Variants in PRKCA observed in about 807,000 individuals in gnomAD.
PRKCA encodes the protein protein kinase C alpha.
PRKCA carries 27 observed loss-of-function variants against 87.0 expected under a neutral mutation model. That is an observed-to-expected ratio of 0.31 (90% CI 0.23 to 0.43). The LOEUF is 0.43. Among genes scored for constraint, PRKCA ranks in the 20% least tolerant of loss-of-function variants. The probability of loss-of-function intolerance (pLI) is 1.00; values close to 1 mark genes in which losing one functional copy is unlikely to be tolerated. For missense variants in PRKCA, 518 were observed against 852.3 expected (o/e 0.61, Z 4.88); for synonymous variants, 329 against 311.1 (o/e 1.06, Z -0.61).
chr17:66,488,066 A>G (rs1916062040), intron 2 of PRKCA, among the ~76,000 whole-genome samples: 1 of 152,178 alleles, frequency 6.6e-6, no homozygotes, highest in African/African-American at 2.4e-5. Context: ...CAACATGAAG[A>G]GTAGTTTCTC....
chr17:66,472,334 A>G (rs575607624), intron 2 of PRKCA, among the ~76,000 whole-genome samples: 2 of 152,294 alleles, frequency 1.3e-5, no homozygotes, highest in Admixed American at 6.5e-5. Context: ...TTCTGGTTCC[A>G]GGAGCTGCTA....
At chr17:66,793,585 C>T (rs954158521) in intron 16 of PRKCA, among the ~76,000 whole-genome samples, 5 of 114,292 alleles carry the variant, frequency 4.4e-5, no homozygotes, top group African/African-American at 2.0e-4. Flanking sequence ...AATGAAACTC[C>T]GTCTCAAAAA....
chr17:66,765,990 C>G (rs1474936295), intron 13 of PRKCA, among the ~76,000 whole-genome samples: 2 of 152,184 alleles, frequency 1.3e-5, no homozygotes, highest in African/African-American at 4.8e-5. Context: ...TGACACGTTT[C>G]TCTGGGAAAA....
At chr17:66,395,140 A>G (rs1313475488) in intron 2 of PRKCA, among the ~76,000 whole-genome samples, 3 of 152,152 alleles carry the variant, frequency 2.0e-5, no homozygotes, top group Non-Finnish European at 4.4e-5. Flanking sequence ...AAGAACTGGC[A>G]GTTCTTTATA....
intron 5 of PRKCA, among the ~76,000 whole-genome samples, chr17:66,686,301 G>T (rs1179651156): frequency 6.6e-6 from 1 of 152,146 alleles, no homozygotes; most frequent in African/African-American, 2.4e-5. Flanking sequence ...GGTTTCTCAA[G>T]CTAAGATTGC....
chr17:66,659,896 T>A (rs1339391490), intron 5 of PRKCA, among the ~76,000 whole-genome samples: 3 of 152,176 alleles, frequency 2.0e-5, no homozygotes, highest in Non-Finnish European at 4.4e-5. Context: ...GCTGATGACT[T>A]GAACTGGCAG....
chr17:66,758,578 T>G (rs1040880139), intron 13 of PRKCA, among the ~76,000 whole-genome samples: 1 of 152,184 alleles, frequency 6.6e-6, no homozygotes, highest in Non-Finnish European at 1.5e-5. Context: ...ATGGAGCACT[T>G]TGGGTCCAAG....
chr17:66,488,837 A>G (rs888413277), intron 2 of PRKCA, among the ~76,000 whole-genome samples: 1 of 152,226 alleles, frequency 6.6e-6, no homozygotes, highest in Non-Finnish European at 1.5e-5. Context: ...ATTTGTTTTC[A>G]TACAACTTTT....
chr17:66,468,073 TTC>T (rs1456490141), intron 2 of PRKCA, among the ~76,000 whole-genome samples: 1 of 152,182 alleles, frequency 6.6e-6, no homozygotes, highest in East Asian at 1.9e-4. Flanking sequence ...TCTTTATTTC[TTC>T]TATGCAACTA....
At chr17:66,613,080 T>C (rs963393840) in intron 3 of PRKCA, among the ~76,000 whole-genome samples, 10 of 152,194 alleles carry the variant, frequency 6.6e-5, no homozygotes, top group African/African-American at 2.4e-4. Flanking sequence ...TAAAATCAAA[T>C]CTTATCCCCA....
chr17:66,589,944 A>C (rs879516545), intron 3 of PRKCA, among the ~76,000 whole-genome samples: 1 of 152,190 alleles, frequency 6.6e-6, no homozygotes, highest in Non-Finnish European at 1.5e-5. Context: ...TGTGCAGTTC[A>C]CAATAGGGTT....
At chr17:66,457,719 C>T (rs1199628518) in intron 2 of PRKCA, among the ~76,000 whole-genome samples, 2 of 152,092 alleles carry the variant, frequency 1.3e-5, no homozygotes, top group African/African-American at 2.4e-5. Flanking sequence ...TCCTTGCTGC[C>T]AGCATGTGAA....
intron 2 of PRKCA, among the ~76,000 whole-genome samples, chr17:66,401,007 G>A (rs565412964): frequency 6.6e-6 from 1 of 152,226 alleles, no homozygotes; most frequent in South Asian, 2.1e-4. Flanking sequence ...TTAAGTATTT[G>A]GGGTGTTTCT....
chr17:66,663,450 C>T lies in PRKCA; in HGVS notation c.529+17939C>T, dbSNP rs568922263. ...AGTTCGGTTTAGTCTATTTTAAGCACAGATGAAGAGGAAATAATCAGACCG... is the reference window on the plus strand; with the variant it reads ...AGTTCGGTTTAGTCTATTTTAAGCATAGATGAAGAGGAAATAATCAGACCG... On this transcript the variant is annotated intron_variant, in intron 5 of 16. Transcript: ENST00000413366. Among the ~76,000 whole-genome samples the T allele has an allele frequency of 2.0e-5, 3 of 152,298 alleles. No individual in the cohort carries two copies. The South Asian group carries it at 6.2e-4, about 32-fold the overall frequency.
intron 9 of PRKCA, 103 bp from the exon 10 acceptor site, chr17:66,735,386 G>A (rs1364142548): frequency 8.5e-7 from 1 of 1,180,462 alleles, no homozygotes; most frequent in Non-Finnish European, 1.2e-6. Flanking sequence ...CATTGACAAA[G>A]GTGCACAAAC....
chr17:66,664,805 T>C (rs1343847057), intron 5 of PRKCA, among the ~76,000 whole-genome samples: 1 of 151,946 alleles, frequency 6.6e-6, no homozygotes, highest in East Asian at 1.9e-4. Context: ...CACACCCAGA[T>C]AATTTTTTAA....
At chr17:66,624,307 A>G (rs890654509) in intron 3 of PRKCA, among the ~76,000 whole-genome samples, 5 of 152,036 alleles carry the variant, frequency 3.3e-5, no homozygotes, top group Admixed American at 6.6e-5. Flanking sequence ...TGCCAGCCAC[A>G]TGGACAGTTT....
At chr17:66,709,928 T>C (rs906293042) in intron 8 of PRKCA, among the ~76,000 whole-genome samples, 2 of 152,162 alleles carry the variant, frequency 1.3e-5, no homozygotes, top group Non-Finnish European at 2.9e-5. Flanking sequence ...TATTGAAAAA[T>C]GGCAATCTGT....
At chr17:66,692,995 G>T (rs1431189709) in intron 8 of PRKCA, among the ~76,000 whole-genome samples, 2 of 152,132 alleles carry the variant, frequency 1.3e-5, no homozygotes, top group Non-Finnish European at 2.9e-5. Context: ...TGCAGTTTTC[G>T]AATCCTTCTC....
Sources: allele counts gnomAD v4.1 joint callset (sites outside exome capture counted in the v4.1 genomes callset), GRCh38; gene constraint gnomAD v4.1.1; transcripts MANE v1.5; gene names NCBI Gene and HGNC (gene_info 2026-07-23, HGNC 2026-07-21).